Variants in MRTFA observed in about 807,000 individuals in gnomAD.
MRTFA encodes the protein myocardin-related transcription factor A.
A neutral mutation model predicts 83.5 loss-of-function variants in MRTFA; 20 were observed. That is an observed-to-expected ratio of 0.24 (90% CI 0.17 to 0.35). The LOEUF is 0.35. MRTFA is among the 10% of genes least tolerant of loss of function. The probability of loss-of-function intolerance (pLI) is 1.00; values close to 1 mark genes in which losing one functional copy is unlikely to be tolerated. For missense variants in MRTFA, 1,200 were observed against 1,224.7 expected, an observed-to-expected ratio of 0.98 and a Z score of 0.30; for synonymous variants, 659 against 541.2, an observed-to-expected ratio of 1.22 and a Z score of -3.02.
At chr22:40,435,297 C>G (rs1400470301) in intron 5 of MRTFA, among the ~76,000 whole-genome samples, 2 of 152,086 alleles carry the variant, frequency 1.3e-5, no homozygotes, top group Non-Finnish European at 2.9e-5. Flanking sequence ...ATATAATCAC[C>G]ATGGGAGGTA....
At chr22:40,477,537 G>A (rs2054018578) in intron 3 of MRTFA, among the ~76,000 whole-genome samples, 3 of 151,810 alleles carry the variant, frequency 2.0e-5, no homozygotes. Context: ...TATACCCTTT[G>A]AAACTCAAAA....
At chr22:40,499,845 T>G (rs1451252736) in intron 3 of MRTFA, among the ~76,000 whole-genome samples, 2 of 151,526 alleles carry the variant, frequency 1.3e-5, no homozygotes, top group Admixed American at 1.3e-4. Context: ...TAAAACCAGG[T>G]GTGACACTTC....
chr22:40,540,083 A>C (rs1466588175), intron 3 of MRTFA, among the ~76,000 whole-genome samples: 2 of 150,948 alleles, frequency 1.3e-5, no homozygotes, highest in African/African-American at 4.9e-5. Context: ...CTAATATTTA[A>C]AATTTCTGTA....
rs191275334 is a variant in MRTFA at position 40,465,929 on chromosome 22, T to C, written c.242-2643A>G. The stretch of plus-strand genomic sequence containing the variant: ...AGTGAGGCCCAGCAGGTTTAAGTAA[T>C]ACACCTAAGGCTATCCCACTAATAA... On this transcript the variant is annotated intron_variant, in intron 3 of 14. Transcript: ENST00000355630. 8.9e-4 allele frequency among the ~76,000 whole-genome samples: 135 copies of C among 152,180 alleles called. 1 individual carries two copies. In the Middle Eastern group the frequency reaches 0.02, roughly 23 times the overall value.
chr22:40,505,960 G>A (rs180747638), intron 3 of MRTFA, among the ~76,000 whole-genome samples: 4 of 152,314 alleles, frequency 2.6e-5, no homozygotes, highest in Admixed American at 6.5e-5. Context: ...TTGGCCAGGC[G>A]CGGTGGCTCA....
At chr22:40,509,981 TTAA>T (rs1032792584) in intron 3 of MRTFA, among the ~76,000 whole-genome samples, 6 of 34,730 alleles carry the variant, frequency 1.7e-4, no homozygotes, top group African/African-American at 5.7e-4. Context: ...GCCAAGTACT[TTAA>T]AAAAAAAAAA....
At position 40,416,278 on chromosome 22, in the gene MRTFA, G is replaced by A. The variant is rs138268729; in HGVS notation, c.2578+708C>T. ...TCTCCAAATGGGGCTGATTCCAGCC[G>A]CTCCTCTGCCCGCCACTGCTGCCTG... is the stretch of plus-strand genomic sequence containing the variant. On this transcript the variant is annotated intron_variant, in intron 14 of 14. Coordinates refer to ENST00000355630, the MANE Select transcript of MRTFA (RefSeq NM_020831.6). The surrounding 1 kb of genome is among the most constrained non-coding windows in gnomAD (Gnocchi z 4.2). Among the ~76,000 whole-genome samples the A allele has an allele frequency of 1.4e-4, 21 of 152,226 alleles. No individual in the cohort carries two copies. The East Asian group carries it at 3.7e-3, about 27-fold the overall frequency.
chr22:40,482,761 G>T (rs748303148), intron 3 of MRTFA, among the ~76,000 whole-genome samples: 1 of 152,132 alleles, frequency 6.6e-6, no homozygotes, highest in African/African-American at 2.4e-5. Context: ...ACCCAACTTT[G>T]TTGTACAGAT....
chr22:40,582,444 T>C (rs958215486), intron 2 of MRTFA, among the ~76,000 whole-genome samples: 3 of 152,228 alleles, frequency 2.0e-5, no homozygotes, highest in African/African-American at 7.2e-5. Context: ...ATGAGAAGAA[T>C]TGCTAGTCAA....
intron 2 of MRTFA, among the ~76,000 whole-genome samples, chr22:40,590,779 A>G (rs2056108723): frequency 6.6e-6 from 1 of 152,098 alleles, no homozygotes; most frequent in Non-Finnish European, 1.5e-5. Context: ...TCTCCAAATC[A>G]GCTAATACCT....
chr22:40,600,259 G>A (rs1006258959), intron 1 of MRTFA, among the ~76,000 whole-genome samples: 5 of 152,210 alleles, frequency 3.3e-5, no homozygotes, highest in East Asian at 1.9e-4. Context: ...GCAGAAATGC[G>A]AATCCATGCA....
At chr22:40,454,588 CATTT>C (rs2053550475) in intron 4 of MRTFA, among the ~76,000 whole-genome samples, 1 of 152,174 alleles carries the variant, frequency 6.6e-6, no homozygotes, top group Non-Finnish European at 1.5e-5. Flanking sequence ...TACATCATCT[CATTT>C]GATCTCCAAA....
chr22:40,526,285 G>A (rs1049513755), intron 3 of MRTFA: 11 of 152,018 alleles, frequency 7.2e-5, no homozygotes, highest in African/African-American at 1.9e-4. Context: ...CTCCCCATTC[G>A]GCCTCCCAAA....
chr22:40,626,137 C>A (rs2056579272), intron 1 of MRTFA, among the ~76,000 whole-genome samples: 1 of 152,044 alleles, frequency 6.6e-6, no homozygotes, highest in Admixed American at 6.6e-5. Flanking sequence ...ACCCCCACCA[C>A]CACACCCGGC....
chr22:40,463,045 G>C (rs1033168091), intron 4 of MRTFA, among the ~76,000 whole-genome samples, 176 bp downstream of exon 4: 1 of 152,166 alleles, frequency 6.6e-6, no homozygotes, highest in Admixed American at 6.6e-5. Context: ...TGATCAATTA[G>C]TTATCTTAAC....
chr22:40,518,438 C>A (rs201259800), intron 3 of MRTFA, among the ~76,000 whole-genome samples: 19 of 143,594 alleles, frequency 1.3e-4, no homozygotes, highest in Admixed American at 1.4e-4. Context: ...AAAAAAAAAA[C>A]AAAACCTACA....
At chr22:40,424,037 T>C (rs1427991372) in intron 8 of MRTFA, among the ~76,000 whole-genome samples, 169 bp downstream of exon 8, 1 of 152,042 alleles carries the variant, frequency 6.6e-6, no homozygotes, top group East Asian at 1.9e-4. Flanking sequence ...ACTGCCCACA[T>C]CTCCCACCAC....
chr22:40,510,642 T>C (rs925379340), intron 3 of MRTFA, among the ~76,000 whole-genome samples: 23 of 152,080 alleles, frequency 1.5e-4, no homozygotes, highest in African/African-American at 5.1e-4. Flanking sequence ...AATACAGAAA[T>C]TGGATACCAC....
Position 40,411,262 on chromosome 22 carries a change from A to G in MRTFA, c.*128T>C, listed in dbSNP as rs2052525246. 3.5e-5 allele frequency: 36 copies of G among 1,023,862 alleles called. No homozygotes were observed. The South Asian group carries it at 6.1e-4, about 17-fold the overall frequency. The allele number at this position is 1,023,862 out of a possible 1,614,324, so 63.4% of individuals were successfully genotyped here. A position where few individuals can be genotyped will look rare whatever the true frequency, so the allele number is the denominator to read the frequency against. ...CTTCTCTGTTCTAGCCTCCCAGGGA[A>G]GGGAAAAAGCAGGGGCTGTGATTGT... On this transcript the variant is annotated 3_prime_UTR_variant, in exon 15 of 15. Transcript: ENST00000355630.
Sources: allele counts gnomAD v4.1 joint callset (sites outside exome capture counted in the v4.1 genomes callset), GRCh38; gene constraint gnomAD v4.1.1; non-coding constraint Gnocchi (gnomAD v3.1); transcripts MANE v1.5; gene names NCBI Gene and HGNC (gene_info 2026-07-23, HGNC 2026-07-21).